The following CDH15 variants were observed in gnomAD, a reference collection of about 807,000 sequenced individuals.
CDH15 encodes the protein cadherin-15.
A neutral mutation model predicts 69.4 loss-of-function variants in CDH15; 73 were observed. The observed-to-expected ratio is 1.05, with a 90% CI of 0.87 to 1.28. CDH15 has a LOEUF of 1.28. CDH15 is among the 50% of genes most tolerant of loss of function. The probability of loss-of-function intolerance (pLI) is 0.00; values close to 1 mark genes in which losing one functional copy is unlikely to be tolerated. For missense variants in CDH15, 1,343 were observed against 1,133.6 expected (o/e 1.18, Z -2.65); for synonymous variants, 624 against 507.7 (o/e 1.23, Z -3.08).
In CDH15 at chr16:89,194,851, C is replaced by A; in HGVS notation, c.2152-11C>A. Reference sequence around the variant, plus strand: ...CTCCATGTGTCTTGAGCTCTCCGGGCCTCTTTATAGGGCTTGGAGGCTGCA... The same window carrying A: ...CTCCATGTGTCTTGAGCTCTCCGGGACTCTTTATAGGGCTTGGAGGCTGCA... On this transcript the variant is annotated splice_polypyrimidine_tract_variant and intron_variant, in intron 13 of 13. Transcript: ENST00000289746. The A allele has an allele frequency of 6.3e-7, 1 of 1,596,750 alleles. No homozygotes were observed. Among genetic ancestry groups the A allele is most frequent in the African/African-American group, 1.3e-5 (1 of 74,894 alleles).
In CDH15 at chr16:89,188,141, G is replaced by A. The variant is rs1228107287; in HGVS notation, c.834G>A (p.Val278=). 2 of 1,613,246 alleles carry A rather than the reference G, an allele frequency of 1.2e-6. No individual in the cohort carries two copies. ...EAIEAVSGVD[V]GRLEVEDRDL... ...TAGAGGCCGTCAGCGGAGTGGATGT[G>A]GGACGCCTGGAAGTGGAGGACAGGG... Residue 278 remains valine, a synonymous_variant, in exon 7 of 14, where the codon GTG becomes GTA. Coordinates refer to ENST00000289746, the MANE Select transcript of CDH15 (RefSeq NM_004933.3).
At position 89,171,812 on chromosome 16, in the gene CDH15, C is replaced by T. The variant is rs754400205; in HGVS notation, c.-20C>T. On this transcript the variant is annotated 5_prime_UTR_variant, in exon 1 of 14. Transcript: ENST00000289746. ...TTCGGGTCGCGGGTGCACTCCGGCCCGGCTCCCGCCTCGGCCCCGATGGAC... is the reference window on the plus strand; with the variant it reads ...TTCGGGTCGCGGGTGCACTCCGGCCTGGCTCCCGCCTCGGCCCCGATGGAC... The T allele has an allele frequency of 1.6e-5, 25 of 1,549,440 alleles. No individual in the cohort carries two copies. The South Asian group carries it at 2.8e-4, about 18-fold the overall frequency.
Position 89,192,254 on chromosome 16 carries a change from C to A in CDH15, c.1665C>A (p.His555Gln), listed in dbSNP as rs879802247. The A allele has an allele frequency of 4.6e-6, 7 of 1,530,230 alleles. No individual in the cohort carries two copies. The Admixed American group carries it at 9.8e-5, about 22-fold the overall frequency. 94.8% of individuals were successfully genotyped at this position (1,530,230 alleles called of 1,614,324 possible). Residue 555 changes from histidine (H) to glutamine (Q), a missense_variant, in exon 11 of 14, where the codon CAC becomes CAA. Transcript: ENST00000289746. ...GACACCAGGTCCCCGAAGGCCTGCA[C>A]CGCCTCAGCCTGCTGCTCCGGGACT... ...RPRHQVPEGLHRLSLLLRDSG... is the reference protein window; with the variant it reads ...RPRHQVPEGLQRLSLLLRDSG...
rs774994552 is a variant in CDH15, at chr16:89,192,330, C to A, written c.1741C>A (p.Arg581Ser). The A allele has an allele frequency of 2.2e-4, 334 of 1,535,930 alleles. 1 individual carries two copies. The East Asian group carries it at 8.0e-3, about 37-fold the overall frequency. The stretch of plus-strand genomic sequence containing the variant: ...GCAGCCTCTGAACGTGACCGTGTGC[C>A]GCTGCGGCAAGGACGGCGTCTGCCT... Reference protein sequence around the residue: ...REQPLNVTVCRCGKDGVCLPG... With the variant: ...REQPLNVTVCSCGKDGVCLPG... The change falls in exon 11 of 14, where the codon CGC becomes AGC. Residue 581 changes from arginine (R) to serine (S), a missense_variant. Transcript: ENST00000289746.
At chr16:89,183,243 G>A (rs1567772704) in intron 3 of CDH15, 1 of 352,770 alleles carries the variant, frequency 2.8e-6, no homozygotes, top group African/African-American at 2.1e-5. Context: ...CAGAGAGACA[G>A]GGAGAGAGAT....
At chr16:89,172,014 G>A in intron 1 of CDH15, 141 bp downstream of exon 1, 1 of 835,064 alleles carries the variant, frequency 1.2e-6, no homozygotes, top group Admixed American at 2.2e-5. Context: ...GTGGCTCCGG[G>A]TGGGTCCCTG....
intron 3 of CDH15, among the ~76,000 whole-genome samples, chr16:89,182,407 G>C (rs571089082): frequency 4.0e-5 from 6 of 150,654 alleles, no homozygotes; most frequent in Admixed American, 6.7e-5. Flanking sequence ...TTGGGAGGCC[G>C]AGGCGAGTGG....
At chr16:89,190,192 G>T in intron 7 of CDH15, 51 bp from the exon 8 acceptor site, 1 of 1,597,092 alleles carries the variant, frequency 6.3e-7, no homozygotes, top group East Asian at 2.3e-5. Context: ...CCTGCCCTCG[G>T]GTGCCCACAC....
chr16:89,191,964 C>T (rs867530954), intron 10 of CDH15, 70 bp downstream of exon 10: 6 of 1,434,078 alleles, frequency 4.2e-6, no homozygotes, highest in South Asian at 3.9e-5. Flanking sequence ...CGGCCTCGGA[C>T]GGGGGCAGGA....
At chr16:89,180,484 C>T (rs548474638) in intron 3 of CDH15, 129 bp downstream of exon 3, 1 of 1,067,518 alleles carries the variant, frequency 9.4e-7, no homozygotes, top group East Asian at 2.6e-5. Flanking sequence ...TCCAGGCACC[C>T]TTAAGTGAGG....
At chr16:89,175,348 C>T (rs1423517599) in intron 1 of CDH15, among the ~76,000 whole-genome samples, 2 of 152,206 alleles carry the variant, frequency 1.3e-5, no homozygotes, top group Non-Finnish European at 2.9e-5. Flanking sequence ...GTCTCCCTGC[C>T]CCATGCCCAT....
rs773887953 is a variant in CDH15 at position 89,188,217 on chromosome 16, G to A, written c.910G>A (p.Asp304Asn). 1.1e-5 allele frequency: 17 copies of A among 1,613,366 alleles called. No individual in the cohort carries two copies. The South Asian group carries it at 1.5e-4, about 15-fold the overall frequency. The change falls in exon 7 of 14, where the codon GAC becomes AAC. Residue 304 changes from aspartate to asparagine, a missense_variant. Transcript: ENST00000289746. ...GGCCAGGTTCACCATCCTGGAAGGC[G>A]ACCCCGATGGGCAGTTCACCATCCG... Reference protein sequence around the residue: ...WVARFTILEGDPDGQFTIRTD... With the variant: ...WVARFTILEGNPDGQFTIRTD...
chr16:89,187,976 A>C, intron 6 of CDH15, 124 bp from the exon 7 acceptor site: 1 of 732,042 alleles, frequency 1.4e-6, no homozygotes, highest in Non-Finnish European at 2.0e-6. Context: ...GGAGCAAGGG[A>C]GGGTGTTCCT....
rs1380680678 is a variant in CDH15 at position 89,179,587 on chromosome 16, A to C, written c.201+13A>C. On this transcript the variant is annotated intron_variant, in intron 2 of 13. Coordinates refer to ENST00000289746, the MANE Select transcript of CDH15 (RefSeq NM_004933.3). ...CCCCCTGGTTCAGGTGAGCAGGTGG[A>C]GGGGGCAGGAGGGGAGAAAGGGGTA... is the stretch of plus-strand genomic sequence containing the variant. 1 of 1,559,904 alleles carries C rather than the reference A, an allele frequency of 6.4e-7. No individual in the cohort carries two copies. Among genetic ancestry groups the C allele is most frequent in the East Asian group, 2.3e-5 (1 of 44,238 alleles).
At position 89,193,741 on chromosome 16, in the gene CDH15, C is replaced by G; in HGVS notation, c.1993-14C>G. 1 of 1,600,774 alleles carries G rather than the reference C, an allele frequency of 6.2e-7. No homozygotes were observed. The highest frequency in any genetic ancestry group is 8.5e-7 in the Non-Finnish European group (1 of 1,177,414). On this transcript the variant is annotated splice_polypyrimidine_tract_variant and intron_variant, in intron 12 of 13. Transcript: ENST00000289746. ...CGAGGGATGCCTGGCTCTGTTCCAC[C>G]TCCTCGCCCACAGGACGCCTACGAC...
chr16:89,192,258 C>G lies in CDH15; in HGVS notation c.1669C>G (p.Leu557Val). Residue 557 changes from leucine (L) to valine (V), a missense_variant, in exon 11 of 14, where the codon CTC (leucine) becomes GTC (valine). Transcript: ENST00000289746. ...RHQVPEGLHR[L>V]SLLLRDSGQP... The stretch of plus-strand genomic sequence containing the variant: ...CCAGGTCCCCGAAGGCCTGCACCGC[C>G]TCAGCCTGCTGCTCCGGGACTCGGG... 6.5e-7 allele frequency: 1 copy of G among 1,530,814 alleles called. No homozygotes were observed. Among genetic ancestry groups the G allele is most frequent in the South Asian group, 1.2e-5 (1 of 83,768 alleles). The allele number at this position is 1,530,814 out of a possible 1,614,324, so 94.8% of individuals were successfully genotyped here. A position where few individuals can be genotyped will look rare whatever the true frequency, so the allele number is the denominator to read the frequency against.
chr16:89,194,105 C>T (rs1915731035), intron 13 of CDH15, among the ~76,000 whole-genome samples, 192 bp downstream of exon 13: 1 of 152,238 alleles, frequency 6.6e-6, no homozygotes, highest in South Asian at 2.1e-4. Flanking sequence ...CCAAACTGGG[C>T]CCTCAGCCTC....
chr16:89,191,517 C>T, intron 9 of CDH15, 45 bp downstream of exon 9: 2 of 1,606,260 alleles, frequency 1.2e-6, no homozygotes, highest in South Asian at 1.1e-5. Flanking sequence ...TGGCCTTGTC[C>T]CGGCTGAGCA....
At chr16:89,191,193 TGTG>T in intron 8 of CDH15, 134 bp from the exon 9 acceptor site, 1 of 926,980 alleles carries the variant, frequency 1.1e-6, no homozygotes, top group Non-Finnish European at 1.7e-6. Context: ...GTGTATATGT[TGTG>T]TGCATGTGTG....
Sources: gnomAD v4.1 joint callset for allele counts (sites outside exome capture counted in the v4.1 genomes callset) on GRCh38, gnomAD v4.1.1 for gene constraint, MANE v1.5 for transcripts, NCBI Gene and HGNC (gene_info 2026-07-23, HGNC 2026-07-21) for gene names.